The following PKN2 variants were observed in gnomAD, a reference collection of about 807,000 sequenced individuals.
The protein encoded by PKN2 is protein kinase N2.
A neutral mutation model predicts 119.1 loss-of-function variants in PKN2; 38 were observed. The observed-to-expected ratio is 0.32, with a 90% CI of 0.25 to 0.42. PKN2 has a LOEUF of 0.42. Ranked by LOEUF, PKN2 falls within the 10% of genes least tolerant of loss-of-function variation. PKN2 has a pLI of 1.00. For synonymous variants in PKN2, 390 were observed against 384.9 expected, an observed-to-expected ratio of 1.01 and a Z score of -0.15; for missense variants, 850 against 1,165.1, an observed-to-expected ratio of 0.73 and a Z score of 3.94.
At chr1:88,757,717 C>T (rs950366951) in intron 2 of PKN2, among the ~76,000 whole-genome samples, 3 of 152,076 alleles carry the variant, frequency 2.0e-5, no homozygotes, top group African/African-American at 7.2e-5. Context: ...AAACACTAAA[C>T]TTAAAATATG....
intron 1 of PKN2, among the ~76,000 whole-genome samples, chr1:88,705,657 C>G (rs1028361535): frequency 1.3e-5 from 2 of 152,046 alleles, no homozygotes; most frequent in South Asian, 2.1e-4. Context: ...GAGATTGTGC[C>G]CCTGCACTCC....
intron 8 of PKN2, among the ~76,000 whole-genome samples, chr1:88,793,395 G>T (rs911416135): frequency 3.3e-5 from 5 of 151,992 alleles, no homozygotes; most frequent in Non-Finnish European, 7.4e-5. Flanking sequence ...TTCCAAAAAA[G>T]ATTCCAGTAT....
intron 8 of PKN2, among the ~76,000 whole-genome samples, chr1:88,791,490 C>T (rs944159840): frequency 6.7e-6 from 1 of 148,836 alleles, no homozygotes; most frequent in Non-Finnish European, 1.5e-5. Context: ...TTGAGAGAAA[C>T]AAAGAAATGA....
At chr1:88,772,234 T>C (rs2100804239) in intron 6 of PKN2, among the ~76,000 whole-genome samples, 1 of 152,320 alleles carries the variant, frequency 6.6e-6, no homozygotes, top group South Asian at 2.1e-4. Context: ...ATGATAGAAA[T>C]TATATAATTT....
chr1:88,823,029 G>T (rs1198107261), intron 17 of PKN2, among the ~76,000 whole-genome samples: 4 of 152,072 alleles, frequency 2.6e-5, no homozygotes, highest in Non-Finnish European at 5.9e-5. Context: ...GACCCGCCTG[G>T]GCAACATAGT....
intron 1 of PKN2, among the ~76,000 whole-genome samples, chr1:88,724,586 T>G (rs1182475543): frequency 6.6e-6 from 1 of 151,916 alleles, no homozygotes; most frequent in Non-Finnish European, 1.5e-5. Flanking sequence ...TTTTTTTTTT[T>G]TTTGAGACGG....
At chr1:88,685,033 C>G (rs1275258331) in intron 1 of PKN2, 1 of 186,566 alleles carries the variant, frequency 5.4e-6, no homozygotes, top group African/African-American at 2.3e-5. Context: ...CCTCCGTACA[C>G]CGCTCCTTAA....
At chr1:88,743,783 G>A (rs1467911916) in intron 2 of PKN2, among the ~76,000 whole-genome samples, 2 of 152,030 alleles carry the variant, frequency 1.3e-5, no homozygotes, top group African/African-American at 4.8e-5. Flanking sequence ...TAGTATCAAA[G>A]CCTAATTATT....
chr1:88,745,694 G>A (rs939947163), intron 2 of PKN2, among the ~76,000 whole-genome samples: 3 of 151,936 alleles, frequency 2.0e-5, no homozygotes, highest in East Asian at 1.9e-4. Flanking sequence ...AAGGTAATTC[G>A]TATCAAAATC....
chr1:88,770,052 C>T (rs1669818616), intron 3 of PKN2, among the ~76,000 whole-genome samples: 1 of 152,118 alleles, frequency 6.6e-6, no homozygotes, highest in Non-Finnish European at 1.5e-5. Flanking sequence ...CATACCAAAA[C>T]ATCATGTACA....
At chr1:88,812,282 A>G (rs75106974) in intron 15 of PKN2, among the ~76,000 whole-genome samples, 2,922 of 152,258 alleles carry the variant, frequency 0.019, 91 homozygotes, top group African/African-American at 0.066. Context: ...ATTCCTGTGA[A>G]TGGCATTGAA....
intron 1 of PKN2, among the ~76,000 whole-genome samples, chr1:88,703,307 C>T (rs183337399): frequency 6.6e-6 from 1 of 152,004 alleles, no homozygotes; most frequent in Admixed American, 6.5e-5. Flanking sequence ...AAGTCTAAAA[C>T]GTGCAGATAG....
At chr1:88,773,346 G>A (rs1669967962) in intron 6 of PKN2, among the ~76,000 whole-genome samples, 1 of 151,894 alleles carries the variant, frequency 6.6e-6, no homozygotes, top group African/African-American at 2.4e-5. Context: ...ACAGGCATGT[G>A]CTACTGCACC....
In PKN2 at chr1:88,835,536, C is replaced by T. The variant is rs1413528025; in HGVS notation, c.*2088C>T. ...ATTTACACAATTAAGCTGAAGAAAG[C>T]ACTAATTTTTTGTAGTTTAAAATAT... On this transcript the variant is annotated 3_prime_UTR_variant, in exon 22 of 22. Transcript: ENST00000370521. 2 of 152,004 alleles carry T rather than the reference C, an allele frequency of 1.3e-5. No individual in the cohort carries two copies. Among genetic ancestry groups the T allele is most frequent in the East Asian group, 3.9e-4 (2 of 5,194 alleles). The allele number at this position is 152,004 out of a possible 1,614,324, so 9.4% of individuals were successfully genotyped here. A position where few individuals can be genotyped will look rare whatever the true frequency, so the allele number is the denominator to read the frequency against.
chr1:88,784,929 TA>T (rs1425808979), intron 7 of PKN2, 105 bp downstream of exon 7: 2 of 543,632 alleles, frequency 3.7e-6, no homozygotes, highest in Non-Finnish European at 5.9e-6. Context: ...TTATGGTTTT[TA>T]TAATTTAATT....
intron 1 of PKN2, among the ~76,000 whole-genome samples, chr1:88,692,807 G>A (rs1666384147): frequency 6.6e-6 from 1 of 152,038 alleles, no homozygotes; most frequent in South Asian, 2.1e-4. Context: ...TTTCTTTTAT[G>A]GAGTTGTGTG....
chr1:88,710,886 A>C (rs1667203167), intron 1 of PKN2, among the ~76,000 whole-genome samples: 1 of 152,216 alleles, frequency 6.6e-6, no homozygotes. Flanking sequence ...TAGCAAAGAC[A>C]TGGAATCAAC....
chr1:88,722,685 A>T (rs6677290), intron 1 of PKN2, among the ~76,000 whole-genome samples: 10,179 of 151,630 alleles, frequency 0.067, 696 homozygotes, highest in African/African-American at 0.18. Context: ...CAGGAAGCTG[A>T]GGTGGGAGGA....
chr1:88,741,888 T>C lies in PKN2; in HGVS notation c.349+600T>C, dbSNP rs142281838. Among the ~76,000 whole-genome samples, 109 of 152,140 alleles carry C rather than the reference T, an allele frequency of 7.2e-4. 3 individuals carry two copies. The East Asian group carries it at 0.019, about 26-fold the overall frequency. On this transcript the variant is annotated intron_variant, in intron 2 of 21. Coordinates refer to ENST00000370521, the MANE Select transcript of PKN2 (RefSeq NM_006256.4). The stretch of plus-strand genomic sequence containing the variant: ...ATATAAAAACATAATTTTTAAACAA[T>C]AGAATTAATAAATATTTATGTTGGA...
Sources: allele counts gnomAD v4.1 joint callset (sites outside exome capture counted in the v4.1 genomes callset), GRCh38; gene constraint gnomAD v4.1.1; transcripts MANE v1.5; gene names NCBI Gene and HGNC (gene_info 2026-07-23, HGNC 2026-07-21).